Variants in TMEM132D observed in about 807,000 individuals in gnomAD.
The protein encoded by TMEM132D is mature OL transmembrane protein.
A neutral mutation model predicts 62.3 loss-of-function variants in TMEM132D; 21 were observed. The observed-to-expected ratio is 0.34, with a 90% CI of 0.24 to 0.49. The LOEUF (loss-of-function observed/expected upper bound fraction) is 0.49, where lower values mean the gene tolerates loss of function less well. Among genes scored for constraint, TMEM132D ranks in the 20% least tolerant of loss-of-function variants. The pLI is 0.99. For missense variants in TMEM132D, 1,346 were observed against 1,402.8 expected, an observed-to-expected ratio of 0.96 and a Z score of 0.65; for synonymous variants, 621 against 575.6, an observed-to-expected ratio of 1.08 and a Z score of -1.13.
At chr12:129,365,648 G>A (rs138682716) in intron 3 of TMEM132D, among the ~76,000 whole-genome samples, 5 of 152,178 alleles carry the variant, frequency 3.3e-5, no homozygotes, top group East Asian at 3.9e-4. Context: ...CTGTCACCCC[G>A]CAGGGAGCCT....
chr12:129,170,103 A>T (rs1168213632), intron 5 of TMEM132D: 1 of 152,352 alleles, frequency 6.6e-6, no homozygotes, highest in South Asian at 2.1e-4. Context: ...TTTGTGAATA[A>T]TCGTAAAGTC....
At chr12:129,076,365 C>T (rs1296149392) in intron 8 of TMEM132D, among the ~76,000 whole-genome samples, 1 of 152,308 alleles carries the variant, frequency 6.6e-6, no homozygotes, top group Admixed American at 6.5e-5. Context: ...CTATAATCCT[C>T]ATAACACATC....
intron 5 of TMEM132D, among the ~76,000 whole-genome samples, chr12:129,178,587 T>C (rs1208940004): frequency 6.6e-6 from 1 of 152,152 alleles, no homozygotes; most frequent in Non-Finnish European, 1.5e-5. Flanking sequence ...GCACATGTGA[T>C]TTTAAGGAAA....
intron 5 of TMEM132D, among the ~76,000 whole-genome samples, chr12:129,090,660 C>G (rs1462483167): frequency 3.6e-5 from 5 of 140,482 alleles, no homozygotes; most frequent in Non-Finnish European, 6.3e-5. Context: ...AGAGTGAGAC[C>G]CTGTCTGAAA....
intron 2 of TMEM132D, among the ~76,000 whole-genome samples, chr12:129,695,003 G>T (rs796598772): frequency 2.0e-5 from 3 of 152,042 alleles, no homozygotes; most frequent in Non-Finnish European, 4.4e-5. Flanking sequence ...GTGAGACTCC[G>T]TCTCAAAAAA....
intron 3 of TMEM132D, among the ~76,000 whole-genome samples, chr12:129,344,110 G>T (rs748354271): frequency 6.6e-6 from 1 of 152,178 alleles, no homozygotes; most frequent in African/African-American, 2.4e-5. Flanking sequence ...TCTGTCTGTG[G>T]AGTAGCTGTC....
chr12:129,484,296 C>A (rs1205091888), intron 3 of TMEM132D, among the ~76,000 whole-genome samples: 1 of 152,148 alleles, frequency 6.6e-6, no homozygotes, highest in Non-Finnish European at 1.5e-5. Context: ...TTTCTAAAAT[C>A]TTGGGCACTT....
At chr12:129,403,990 G>C (rs1289864389) in intron 3 of TMEM132D, among the ~76,000 whole-genome samples, 3 of 152,078 alleles carry the variant, frequency 2.0e-5, no homozygotes, top group African/African-American at 7.2e-5. Flanking sequence ...GGAGAGAAAT[G>C]AGAAAATAAG....
At chr12:129,453,316 G>A (rs1367702443) in intron 3 of TMEM132D, among the ~76,000 whole-genome samples, 1 of 152,128 alleles carries the variant, frequency 6.6e-6, no homozygotes, top group Non-Finnish European at 1.5e-5. Flanking sequence ...TTTGCAGCAT[G>A]GGCTACTGGC....
chr12:129,176,236 T>C (rs1249066957), intron 5 of TMEM132D, among the ~76,000 whole-genome samples: 1 of 152,242 alleles, frequency 6.6e-6, no homozygotes, highest in Non-Finnish European at 1.5e-5. Context: ...GCTCAGTGTA[T>C]GAGTGGTGGC....
At chr12:129,408,570 G>A (rs906532876) in intron 3 of TMEM132D, among the ~76,000 whole-genome samples, 1 of 150,468 alleles carries the variant, frequency 6.6e-6, no homozygotes, top group African/African-American at 2.4e-5. Flanking sequence ...GTTATTCTTT[G>A]GTAGTTTAAA....
At chr12:129,616,189 T>G (rs538355655) in intron 2 of TMEM132D, among the ~76,000 whole-genome samples, 1 of 152,344 alleles carries the variant, frequency 6.6e-6, no homozygotes, top group South Asian at 2.1e-4. Context: ...AAAACCTGCA[T>G]GCTGAGACTC....
At chr12:129,645,478 T>C (rs1238189242) in intron 2 of TMEM132D, among the ~76,000 whole-genome samples, 1 of 152,236 alleles carries the variant, frequency 6.6e-6, no homozygotes, top group Non-Finnish European at 1.5e-5. Flanking sequence ...TTTCTCTTAT[T>C]GATCAGTCTG....
intron 2 of TMEM132D, among the ~76,000 whole-genome samples, chr12:129,697,509 G>C (rs1881235713): frequency 6.6e-6 from 1 of 152,200 alleles, no homozygotes; most frequent in Admixed American, 6.5e-5. Flanking sequence ...ACCTCTTAAA[G>C]AAACAGTGTA....
intron 3 of TMEM132D, among the ~76,000 whole-genome samples, chr12:129,512,081 G>T (rs1307186533): frequency 6.6e-6 from 1 of 152,140 alleles, no homozygotes; most frequent in Non-Finnish European, 1.5e-5. Context: ...GCAGTGCTTA[G>T]AACTGTGCCT....
At chr12:129,492,667 T>A (rs1450701270) in intron 3 of TMEM132D, among the ~76,000 whole-genome samples, 1 of 152,180 alleles carries the variant, frequency 6.6e-6, no homozygotes, top group Non-Finnish European at 1.5e-5. Context: ...TGCTCCTGGT[T>A]GAGTTTTGCG....
At chr12:129,901,554 C>T (rs894201156) in intron 1 of TMEM132D, among the ~76,000 whole-genome samples, 3 of 152,120 alleles carry the variant, frequency 2.0e-5, no homozygotes, top group African/African-American at 7.2e-5. Flanking sequence ...CTAGGCTTAT[C>T]GTAAACATTT....
At chr12:129,427,779 CAA>C (rs989644368) in intron 3 of TMEM132D, among the ~76,000 whole-genome samples, 29 of 151,250 alleles carry the variant, frequency 1.9e-4, no homozygotes, top group Non-Finnish European at 1.0e-4. Flanking sequence ...CAAACCCAAA[CAA>C]AACAAAACCA....
chr12:129,441,924 C>T (rs556911489), intron 3 of TMEM132D, among the ~76,000 whole-genome samples: 45 of 152,216 alleles, frequency 3.0e-4, no homozygotes, highest in Non-Finnish European at 4.7e-4. Context: ...CTTATGAGAG[C>T]GGTGCACTGG....
Sources: gnomAD v4.1 joint callset for allele counts (sites outside exome capture counted in the v4.1 genomes callset) on GRCh38, gnomAD v4.1.1 for gene constraint, MANE v1.5 for transcripts, NCBI Gene and HGNC (gene_info 2026-07-23, HGNC 2026-07-21) for gene names.